The following MDGA2 variants were observed in gnomAD, a reference collection of about 807,000 sequenced individuals.
MDGA2 encodes MAM domain containing glycosylphosphatidylinositol anchor 2.
MDGA2 carries 40 observed loss-of-function variants against 117.8 expected under a neutral mutation model. The observed-to-expected ratio is 0.34, with a 90% CI of 0.26 to 0.44. The LOEUF is 0.44. Ranked by LOEUF, MDGA2 falls within the 20% of genes least tolerant of loss-of-function variation. The pLI is 1.00. For missense variants in MDGA2, 1,123 were observed against 1,250.6 expected (o/e 0.90, Z 1.54); for synonymous variants, 452 against 439.0 (o/e 1.03, Z -0.37).
At chr14:47,070,922 C>G (rs1370759142) in intron 6 of MDGA2, among the ~76,000 whole-genome samples, 1 of 152,104 alleles carries the variant, frequency 6.6e-6, no homozygotes, top group Non-Finnish European at 1.5e-5. Context: ...CCAGTACTTC[C>G]TATTAGTTCA....
chr14:47,132,672 C>T (rs565448197), intron 4 of MDGA2, among the ~76,000 whole-genome samples: 2 of 151,966 alleles, frequency 1.3e-5, no homozygotes, highest in Non-Finnish European at 2.9e-5. Flanking sequence ...GCTTTCTTTG[C>T]CTTCTAAAGT....
At chr14:47,603,633 CTGTT>C (rs961254070) in intron 1 of MDGA2, among the ~76,000 whole-genome samples, 81 of 152,242 alleles carry the variant, frequency 5.3e-4, no homozygotes, top group African/African-American at 1.6e-3. Flanking sequence ...CTCTCTCTCT[CTGTT>C]TCTCTTGTTC....
intron 1 of MDGA2, among the ~76,000 whole-genome samples, chr14:47,582,022 A>C (rs1896237998): frequency 6.6e-6 from 1 of 151,906 alleles, no homozygotes. Flanking sequence ...AAACTGACAT[A>C]ATAATATTAT....
At chr14:46,932,105 G>C (rs1467630461) in intron 9 of MDGA2, among the ~76,000 whole-genome samples, 4 of 151,902 alleles carry the variant, frequency 2.6e-5, no homozygotes, top group Non-Finnish European at 4.4e-5. Flanking sequence ...CATATAGCAG[G>C]ATTCTCATGA....
At chr14:47,396,734 C>T (rs1356057508) in intron 1 of MDGA2, among the ~76,000 whole-genome samples, 1 of 152,130 alleles carries the variant, frequency 6.6e-6, no homozygotes, top group East Asian at 1.9e-4. Flanking sequence ...ATATGAAAAA[C>T]AGCTCATCAT....
intron 1 of MDGA2, among the ~76,000 whole-genome samples, chr14:47,587,650 T>C (rs1481821388): frequency 6.6e-6 from 1 of 151,988 alleles, no homozygotes; most frequent in Non-Finnish European, 1.5e-5. Context: ...TACTTGCATG[T>C]TTCTGTTCAA....
At chr14:46,876,633 T>C (rs966878514) in intron 12 of MDGA2, among the ~76,000 whole-genome samples, 14 of 151,394 alleles carry the variant, frequency 9.2e-5, no homozygotes, top group Admixed American at 2.0e-4. Flanking sequence ...CATTACGTGG[T>C]CTTCAAAATT....
chr14:47,486,937 G>A (rs1894073735), intron 1 of MDGA2, among the ~76,000 whole-genome samples: 1 of 152,192 alleles, frequency 6.6e-6, no homozygotes, highest in African/African-American at 2.4e-5. Context: ...AATACACAAG[G>A]GGACAGCAAA....
chr14:47,075,779 TA>T (rs912850733), intron 6 of MDGA2, among the ~76,000 whole-genome samples: 4 of 152,282 alleles, frequency 2.6e-5, no homozygotes, highest in South Asian at 2.1e-4. Flanking sequence ...TCTTGATATT[TA>T]AAAAATTTTT....
chr14:46,918,244 T>C (rs925813267), intron 10 of MDGA2, among the ~76,000 whole-genome samples: 5 of 152,086 alleles, frequency 3.3e-5, no homozygotes, highest in Non-Finnish European at 7.4e-5. Context: ...AATGAAAATT[T>C]AGTCATAGAT....
intron 1 of MDGA2, among the ~76,000 whole-genome samples, chr14:47,311,987 A>G (rs4595716): frequency 0.089 from 13,546 of 152,222 alleles, 729 homozygotes; most frequent in Non-Finnish European, 0.11. Flanking sequence ...TCTGATAAAA[A>G]AGATACTCTT....
intron 8 of MDGA2, among the ~76,000 whole-genome samples, chr14:46,963,678 TTAG>T (rs1459516145): frequency 6.6e-6 from 1 of 152,218 alleles, no homozygotes; most frequent in African/African-American, 2.4e-5. Flanking sequence ...TGATGACAAG[TTAG>T]TAAAGTAACT....
At chr14:47,346,483 T>C (rs1460315810) in intron 1 of MDGA2, among the ~76,000 whole-genome samples, 1 of 152,202 alleles carries the variant, frequency 6.6e-6, no homozygotes, top group Non-Finnish European at 1.5e-5. Flanking sequence ...GTTATCCTAA[T>C]TGCATTTTTA....
chr14:46,884,301 G>T lies in MDGA2; in HGVS notation c.2239-2080C>A, dbSNP rs1288607439. ...TGTCTGGGTTGGCAAACAGCTGAGG[G>T]CAAAAGTAGTTTGGGCAGAAATTCT... is the stretch of plus-strand genomic sequence containing the variant. On this transcript the variant is annotated intron_variant, in intron 10 of 16. Coordinates refer to ENST00000399232, the MANE Select transcript of MDGA2 (RefSeq NM_001113498.3). This position sits in a 1 kb window ranked among gnomAD's most constrained non-coding sequence, Gnocchi z 4.1. 6.6e-6 allele frequency among the ~76,000 whole-genome samples: 1 copy of T among 152,094 alleles called. No individual in the cohort carries two copies. The highest frequency in any genetic ancestry group is 1.5e-5 in the Non-Finnish European group (1 of 68,012).
chr14:46,950,386 C>A (rs2138609626), intron 9 of MDGA2, among the ~76,000 whole-genome samples: 1 of 151,966 alleles, frequency 6.6e-6, no homozygotes. Context: ...AGGGTGATAC[C>A]ATCTCTTCTG....
intron 1 of MDGA2, among the ~76,000 whole-genome samples, chr14:47,433,065 G>A (rs1276155007): frequency 6.6e-6 from 1 of 152,058 alleles, no homozygotes; most frequent in Non-Finnish European, 1.5e-5. Context: ...AGCCAGTAAT[G>A]ATAGATATAA....
At chr14:47,572,538 G>C (rs1290438686) in intron 1 of MDGA2, among the ~76,000 whole-genome samples, 1 of 152,134 alleles carries the variant, frequency 6.6e-6, no homozygotes, top group East Asian at 1.9e-4. Flanking sequence ...TGAATTGGTG[G>C]TATCCCCTAG....
At position 47,284,190 on chromosome 14, in the gene MDGA2, C is replaced by G. The variant is rs974450116; in HGVS notation, c.420+17221G>C. Among the ~76,000 whole-genome samples the G allele has an allele frequency of 5.3e-5, 8 of 152,268 alleles. 1 individual carries two copies. The South Asian group carries it at 1.7e-3, about 32-fold the overall frequency. ...CCCATCCCAAATAACTTAAAAGAGACTATCCTCAGAGAGGGCAGTTATGAT... is the reference window on the plus strand; with the variant it reads ...CCCATCCCAAATAACTTAAAAGAGAGTATCCTCAGAGAGGGCAGTTATGAT... On this transcript the variant is annotated intron_variant, in intron 2 of 16. Coordinates refer to ENST00000399232, the MANE Select transcript of MDGA2 (RefSeq NM_001113498.3).
At chr14:46,885,784 T>C (rs1392422512) in intron 10 of MDGA2, among the ~76,000 whole-genome samples, 1 of 152,138 alleles carries the variant, frequency 6.6e-6, no homozygotes, top group African/African-American at 2.4e-5. Flanking sequence ...TTGATCCTCC[T>C]TACCTCTGAA....
Sources: gnomAD v4.1 joint callset for allele counts (sites outside exome capture counted in the v4.1 genomes callset) on GRCh38, gnomAD v4.1.1 for gene constraint, Gnocchi (gnomAD v3.1) non-coding constraint, MANE v1.5 for transcripts, NCBI Gene and HGNC (gene_info 2026-07-23, HGNC 2026-07-21) for gene names.